Variants in GAREM2 observed in about 807,000 individuals in gnomAD.
GAREM2 encodes GRB2-associated and regulator of MAPK protein 2.
Under a neutral mutation model 55.6 loss-of-function variants are expected in GAREM2, and 30 were observed. The ratio of observed to expected loss-of-function variants is 0.54; its 90% CI spans 0.40 to 0.73. The LOEUF is 0.73. Ranked by LOEUF, GAREM2 falls within the 30% of genes least tolerant of loss-of-function variation. GAREM2 has a pLI of 0.00. For missense variants in GAREM2, 1,075 were observed against 1,257.7 expected, an observed-to-expected ratio of 0.85 and a Z score of 2.20; for synonymous variants, 550 against 569.1, an observed-to-expected ratio of 0.97 and a Z score of 0.48.
rs751639975 is a variant in GAREM2 at position 26,184,464 on chromosome 2, G to T, written c.616G>T (p.Ala206Ser). 2.0e-6 allele frequency: 3 copies of T among 1,503,636 alleles called. No homozygotes were observed. Among genetic ancestry groups the T allele is most frequent in the African/African-American group, 1.5e-5 (1 of 68,886 alleles). The allele number at this position is 1,503,636 out of a possible 1,614,324, so 93.1% of individuals were successfully genotyped here. The change falls in exon 4 of 6, where the codon GCC (alanine) becomes TCC (serine). Residue 206 changes from alanine (A) to serine (S), a missense_variant. Transcript: ENST00000401533. ...CGCGGGAGGCACTGGCGGCGGGGGC[G>T]CCAGGCCGGTCAAAGGCAAGATGCC... is the stretch of plus-strand genomic sequence containing the variant. ...GAAGGTGGGG[A>S]RPVKGKMPCL... is the part of the protein sequence containing the mutation.
downstream of GAREM2, chr2:26,190,882 T>G: frequency 3.0e-6 from 1 of 336,468 alleles, no homozygotes; most frequent in African/African-American, 2.1e-5. Flanking sequence ...TGACACAGAG[T>G]TTGGTTTTTA....
rs538387262 is a variant in GAREM2, at chr2:26,179,932, G to C, written c.254-3035G>C. On this transcript the variant is annotated intron_variant, in intron 2 of 5. Coordinates refer to ENST00000401533, the MANE Select transcript of GAREM2 (RefSeq NM_001168241.2). This position sits in a 1 kb window ranked among gnomAD's most constrained non-coding sequence, Gnocchi z 4.7. ...TGTGGTTGGGGCAGGGGCGGGGGTG[G>C]GGGTTGTGTGTGGACTTGGGGGAGG... is the stretch of plus-strand genomic sequence containing the variant. Among the ~76,000 whole-genome samples the C allele has an allele frequency of 6.6e-6, 1 of 152,206 alleles. No individual in the cohort carries two copies. Among genetic ancestry groups the C allele is most frequent in the Non-Finnish European group, 1.5e-5 (1 of 67,984 alleles).
Position 26,184,428 on chromosome 2 carries a change from A to T in GAREM2, c.580A>T (p.Ser194Cys). The change falls in exon 4 of 6, where the codon AGC (serine) becomes TGC (cysteine). Residue 194 changes from serine (S) to cysteine (C), a missense_variant. Coordinates refer to ENST00000401533, the MANE Select transcript of GAREM2 (RefSeq NM_001168241.2). Reference sequence around the variant, plus strand: ...CGGGGTGGGCGGCGGCGGCCCAGCGAGCGCGGGGGCCGCGGGAGGCACTGG... The same window carrying T: ...CGGGGTGGGCGGCGGCGGCCCAGCGTGCGCGGGGGCCGCGGGAGGCACTGG... ...LAGVGGGGPASAGAAGGTGGG... is the reference protein window; with the variant it reads ...LAGVGGGGPACAGAAGGTGGG... The T allele has an allele frequency of 6.8e-7, 1 of 1,467,460 alleles. No individual in the cohort carries two copies. Among genetic ancestry groups the T allele is most frequent in the South Asian group, 1.3e-5 (1 of 75,742 alleles). 90.9% of individuals were successfully genotyped at this position (1,467,460 alleles called of 1,614,324 possible). A position where few individuals can be genotyped will look rare whatever the true frequency, so the allele number is the denominator to read the frequency against.
At chr2:26,173,920 A>C (rs1668779176) in intron 1 of GAREM2, among the ~76,000 whole-genome samples, 1 of 151,936 alleles carries the variant, frequency 6.6e-6, no homozygotes. Context: ...CCCTCCCCCG[A>C]ATCTTGTCCC....
chr2:26,204,071 A>G, the GAREM2 span: 12 of 1,613,904 alleles, frequency 7.4e-6, no homozygotes, highest in Admixed American at 1.7e-4. Flanking sequence ...CCCTTTGAAC[A>G]CTTGTTGCTG....
At chr2:26,204,241 C>G in the GAREM2 span, 1 of 1,590,474 alleles carries the variant, frequency 6.3e-7, no homozygotes, top group Non-Finnish European at 8.6e-7. Context: ...TGATCTTAAT[C>G]ATTTCAGTCA....
Position 26,179,616 on chromosome 2 carries a change from A to G in GAREM2, c.253+3132A>G, listed in dbSNP as rs925352802. Among the ~76,000 whole-genome samples the G allele has an allele frequency of 7.0e-4, 107 of 151,818 alleles. No individual in the cohort carries two copies. Among genetic ancestry groups the G allele is most frequent in the Admixed American group, 6.9e-3 (105 of 15,252 alleles). Reference sequence around the variant, plus strand: ...AGGTCAGGATGGAGCAGGTCCTTAGAGCCGTGGGGGACCTCAGGTTCCATA... The same window carrying G: ...AGGTCAGGATGGAGCAGGTCCTTAGGGCCGTGGGGGACCTCAGGTTCCATA... On this transcript the variant is annotated intron_variant, in intron 2 of 5. Coordinates refer to ENST00000401533, the MANE Select transcript of GAREM2 (RefSeq NM_001168241.2). The surrounding 1 kb of genome is among the most constrained non-coding windows in gnomAD (Gnocchi z 4.7).
At chr2:26,201,173 G>T in the GAREM2 span, 2 of 1,613,732 alleles carry the variant, frequency 1.2e-6, no homozygotes, top group Non-Finnish European at 8.5e-7. Flanking sequence ...TTAGCACTCT[G>T]TGCTTAAGAC....
downstream of GAREM2, chr2:26,193,594 A>G (rs1372002114): frequency 1.7e-5 from 28 of 1,613,652 alleles, no homozygotes; most frequent in Non-Finnish European, 2.2e-5. Flanking sequence ...GCCCTTGGAC[A>G]CCATCTGTGT....
intron 4 of GAREM2, 35 bp downstream of exon 4, chr2:26,185,311 C>T (rs995591346): frequency 6.8e-7 from 1 of 1,476,674 alleles, no homozygotes; most frequent in Admixed American, 2.3e-5. Flanking sequence ...GTCCCGGGTC[C>T]AGCCAGGGCC....
chr2:26,174,311 C>G (rs944697524), intron 1 of GAREM2, among the ~76,000 whole-genome samples: 8 of 152,208 alleles, frequency 5.3e-5, no homozygotes, highest in Non-Finnish European at 1.2e-4. Context: ...GGCAGGCCAG[C>G]GTCTAGTTCT....
At chr2:26,199,479 T>C in the GAREM2 span, 1 of 152,256 alleles carries the variant, frequency 6.6e-6, no homozygotes, top group South Asian at 2.1e-4. Flanking sequence ...CTAATGCTGG[T>C]GGTGAAATCC....
intron 2 of GAREM2, among the ~76,000 whole-genome samples, chr2:26,176,939 T>G (rs1044846027): frequency 3.3e-5 from 5 of 152,226 alleles, no homozygotes; most frequent in African/African-American, 4.8e-5. Flanking sequence ...GATCCTGTTT[T>G]TCCCAATTTT....
At chr2:26,176,862 G>A (rs998798736) in intron 2 of GAREM2, among the ~76,000 whole-genome samples, 3 of 152,076 alleles carry the variant, frequency 2.0e-5, no homozygotes, top group East Asian at 1.9e-4. Flanking sequence ...TTTCTGTACC[G>A]CGCAACCAAA....
At chr2:26,194,904 A>G in the GAREM2 span, among the ~76,000 whole-genome samples, 3 of 151,928 alleles carry the variant, frequency 2.0e-5, no homozygotes, top group Non-Finnish European at 2.9e-5. Context: ...CACATCCTAG[A>G]TACTCCCCAC....
chr2:26,189,426 C>T lies in GAREM2; in HGVS notation c.*1169C>T, dbSNP rs1176331194. The stretch of plus-strand genomic sequence containing the variant: ...CTAGTGTCAGGGCCCAAAGTGCCAG[C>T]CTTCTCTTCTGCCTTACCTAGTCTA... On this transcript the variant is annotated 3_prime_UTR_variant, in exon 6 of 6. Coordinates refer to ENST00000401533, the MANE Select transcript of GAREM2 (RefSeq NM_001168241.2). 2 of 152,158 alleles carry T rather than the reference C, an allele frequency of 1.3e-5. No individual in the cohort carries two copies. The highest frequency in any genetic ancestry group is 4.8e-5 in the African/African-American group (2 of 41,422). 9.4% of individuals were successfully genotyped at this position (152,158 alleles called of 1,614,324 possible).
At position 26,184,532 on chromosome 2, in the gene GAREM2, C is replaced by T. The variant is rs1669157822; in HGVS notation, c.684C>T (p.Ser228=). The T allele has an allele frequency of 6.5e-7, 1 of 1,547,402 alleles. No individual in the cohort carries two copies. Among genetic ancestry groups the T allele is most frequent in the South Asian group, 1.2e-5 (1 of 83,824 alleles). Residue 228 remains serine, a synonymous_variant, in exon 4 of 6, where the codon AGC becomes AGT. Coordinates refer to ENST00000401533, the MANE Select transcript of GAREM2 (RefSeq NM_001168241.2). ...CMNHRTNESL[S]LPFQCQGRFS... is the part of the protein sequence containing the mutation. ...ACCACCGCACCAACGAAAGCCTGAGCCTGCCCTTTCAGTGCCAGGGCCGCT... is the reference window on the plus strand; with the variant it reads ...ACCACCGCACCAACGAAAGCCTGAGTCTGCCCTTTCAGTGCCAGGGCCGCT...
In GAREM2 at chr2:26,173,297, G is replaced by A. The variant is rs1668760337; in HGVS notation, c.77G>A (p.Arg26His). The A allele has an allele frequency of 2.1e-6, 3 of 1,434,064 alleles. No homozygotes were observed. Among genetic ancestry groups the A allele is most frequent in the Non-Finnish European group, 2.7e-6 (3 of 1,091,106 alleles). The allele number at this position is 1,434,064 out of a possible 1,614,324, so 88.8% of individuals were successfully genotyped here. A position where few individuals can be genotyped will look rare whatever the true frequency, so the allele number is the denominator to read the frequency against. The change falls in exon 1 of 6, where the codon CGC (arginine) becomes CAC (histidine). Residue 26 changes from arginine to histidine, a missense_variant. Around this residue, in one of 6 missense-constraint regions of GAREM2, gnomAD observed 230 missense variants for 310.6 expected, o/e 0.74. Transcript: ENST00000401533. The stretch of plus-strand genomic sequence containing the variant: ...TTCCCGCTCGACCTCATCGTCAGCC[G>A]CTGCCGCCTGCCCACGCTCGCCTGC... Reference protein sequence around the residue: ...GAFPLDLIVSRCRLPTLACLG... With the variant: ...GAFPLDLIVSHCRLPTLACLG...
Position 26,187,483 on chromosome 2 carries a change from C to G in GAREM2, c.1851C>G (p.Pro617=), listed in dbSNP as rs1045449710. The G allele has an allele frequency of 6.5e-7, 1 of 1,547,396 alleles. No homozygotes were observed. The highest frequency in any genetic ancestry group is 8.7e-7 in the Non-Finnish European group (1 of 1,145,114). ...ACAGCTGCCCTCCTCTATTCAAGCC[C>G]TCACATCCCCAGAAGCGCTTTGCTC... The part of the protein sequence containing the change: ...TYHSCPPLFK[P]SHPQKRFAPF... Residue 617 remains proline (P), a synonymous_variant, in exon 6 of 6, where the codon CCC becomes CCG. Transcript: ENST00000401533.
Sources: gnomAD v4.1 joint callset for allele counts (sites outside exome capture counted in the v4.1 genomes callset) on GRCh38, gnomAD v4.1.1 for gene constraint, gnomAD v4.1.1 regional missense constraint, Gnocchi (gnomAD v3.1) non-coding constraint, MANE v1.5 for transcripts, NCBI Gene and HGNC (gene_info 2026-07-23, HGNC 2026-07-21) for gene names.